The following LDLRAD4 variants were observed in gnomAD, a reference collection of about 807,000 sequenced individuals.
The protein encoded by LDLRAD4 is low density lipoprotein receptor class A domain containing 4.
Under a neutral mutation model 17.0 loss-of-function variants are expected in LDLRAD4, and 5 were observed. That is an observed-to-expected ratio of 0.29 (90% CI 0.15 to 0.62). LDLRAD4 has a LOEUF of 0.62. Ranked by LOEUF, LDLRAD4 falls within the 20% of genes least tolerant of loss-of-function variation. The probability of loss-of-function intolerance (pLI) is 0.84; values close to 1 mark genes in which losing one functional copy is unlikely to be tolerated. For missense variants in LDLRAD4, 340 were observed against 424.7 expected, an observed-to-expected ratio of 0.80 and a Z score of 1.75; for synonymous variants, 168 against 171.8, an observed-to-expected ratio of 0.98 and a Z score of 0.17.
In LDLRAD4 at chr18:13,622,544, C is replaced by A. The variant is rs1424492691; in HGVS notation, c.336+1273C>A. ...AGTTCAGTCCACAAGCCCCTCTGGC[C>A]CTGTTGTGTTACTTTCCTCGAGCCT... On this transcript the variant is annotated intron_variant, in intron 4 of 5. Transcript: ENST00000359446. The surrounding 1 kb of genome is among the most constrained non-coding windows in gnomAD (Gnocchi z 5.3). Among the ~76,000 whole-genome samples the A allele has an allele frequency of 1.3e-5, 2 of 152,264 alleles. No individual in the cohort carries two copies. The highest frequency in any genetic ancestry group is 3.4e-3 in the Middle Eastern group (1 of 294).
At chr18:13,309,321 G>A (rs911598857) in intron 1 of LDLRAD4, among the ~76,000 whole-genome samples, 1 of 152,198 alleles carries the variant, frequency 6.6e-6, no homozygotes, top group Non-Finnish European at 1.5e-5. Context: ...CCATCAAGTG[G>A]CCTTGGGAAT....
intron 3 of LDLRAD4, among the ~76,000 whole-genome samples, chr18:13,604,160 A>G (rs1237436320): frequency 6.6e-6 from 1 of 152,258 alleles, no homozygotes; most frequent in Non-Finnish European, 1.5e-5. Context: ...ATGCTCCAGT[A>G]TAAAACTAAA....
chr18:13,226,180 C>CTTTTTTTTTTTTTGTTTTTTTTTTTTTTT (rs2041785385), intron 1 of LDLRAD4, among the ~76,000 whole-genome samples: 1 of 52,188 alleles, frequency 1.9e-5, no homozygotes. Context: ...CCATGCCTTG[C>CTTTTTTTTTTTTTGTTTTTTTTTTTTTTT]TTTTTTTTTT....
At chr18:13,492,224 C>T (rs901047695) in intron 3 of LDLRAD4, among the ~76,000 whole-genome samples, 1 of 152,202 alleles carries the variant, frequency 6.6e-6, no homozygotes, top group East Asian at 1.9e-4. Flanking sequence ...AGGAAGGATG[C>T]GAGTGGCCTG....
intron 3 of LDLRAD4, among the ~76,000 whole-genome samples, chr18:13,485,391 G>A (rs928047142): frequency 7.2e-5 from 11 of 152,236 alleles, no homozygotes; most frequent in African/African-American, 2.2e-4. Flanking sequence ...ACTTGGCCAC[G>A]TGCCCTCGTG....
At chr18:13,460,457 G>T (rs926774638) in intron 3 of LDLRAD4, among the ~76,000 whole-genome samples, 1 of 152,250 alleles carries the variant, frequency 6.6e-6, no homozygotes, top group African/African-American at 2.4e-5. Context: ...CTCCCAAAGT[G>T]CTGGGATTAC....
At chr18:13,478,308 T>C (rs1166191542) in intron 3 of LDLRAD4, among the ~76,000 whole-genome samples, 1 of 152,196 alleles carries the variant, frequency 6.6e-6, no homozygotes, top group Non-Finnish European at 1.5e-5. Context: ...CATCCAAGTG[T>C]TGGTGTGCTG....
chr18:13,527,741 C>A (rs1339759863), intron 3 of LDLRAD4, among the ~76,000 whole-genome samples: 4 of 152,074 alleles, frequency 2.6e-5, no homozygotes, highest in Non-Finnish European at 5.9e-5. Flanking sequence ...CCCAAGCAGT[C>A]CTACATGGTC....
At chr18:13,434,519 T>C (rs765213532) in intron 2 of LDLRAD4, among the ~76,000 whole-genome samples, 1 of 152,222 alleles carries the variant, frequency 6.6e-6, no homozygotes, top group South Asian at 2.1e-4. Flanking sequence ...AACTTCTAGC[T>C]TGGCAGAAAT....
In LDLRAD4 at chr18:13,523,810, AC is replaced by A. The variant is rs1486267569; in HGVS notation, c.181+85428del. On this transcript the variant is annotated intron_variant, in intron 3 of 5. Coordinates refer to ENST00000359446, the Ensembl canonical transcript of LDLRAD4. ...CAGTGGGCTCTCCCTGGTGACACGAACCTTTTGCTGTGGCTGACTCTAAGGT... is the reference window on the plus strand; with the variant it reads ...CAGTGGGCTCTCCCTGGTGACACGAACTTTTGCTGTGGCTGACTCTAAGGT... Among the ~76,000 whole-genome samples the A allele has an allele frequency of 2.0e-5, 3 of 152,024 alleles. No homozygotes were observed. In the East Asian group the frequency reaches 5.8e-4, roughly 29 times the overall value.
chr18:13,622,974 C>T lies in LDLRAD4; in HGVS notation c.336+1703C>T, dbSNP rs1489064871. ...CTCCCCAGTCTTCCTCCCAGACTTGCCCTGGTGTTGGCTTCTCTCTCCCTA... is the reference window on the plus strand; with the variant it reads ...CTCCCCAGTCTTCCTCCCAGACTTGTCCTGGTGTTGGCTTCTCTCTCCCTA... On this transcript the variant is annotated intron_variant, in intron 4 of 5. Coordinates refer to ENST00000359446, the Ensembl canonical transcript of LDLRAD4. This position sits in a 1 kb window ranked among gnomAD's most constrained non-coding sequence, Gnocchi z 5.3. 6.6e-6 allele frequency among the ~76,000 whole-genome samples: 1 copy of T among 152,164 alleles called. No homozygotes were observed. Among genetic ancestry groups the T allele is most frequent in the African/African-American group, 2.4e-5 (1 of 41,432 alleles).
At chr18:13,258,419 A>G (rs1254976851) in intron 1 of LDLRAD4, among the ~76,000 whole-genome samples, 4 of 151,982 alleles carry the variant, frequency 2.6e-5, no homozygotes, top group Non-Finnish European at 4.4e-5. Flanking sequence ...AATGGCCACT[A>G]GGGACGATGG....
At chr18:13,338,177 ACTT>A (rs2082200504) in intron 1 of LDLRAD4, among the ~76,000 whole-genome samples, 2 of 152,120 alleles carry the variant, frequency 1.3e-5, no homozygotes, top group African/African-American at 4.8e-5. Flanking sequence ...CTTGCTCACA[ACTT>A]CTCTGAATGC....
At chr18:13,282,690 G>C (rs1204855776) in intron 1 of LDLRAD4, among the ~76,000 whole-genome samples, 1 of 152,196 alleles carries the variant, frequency 6.6e-6, no homozygotes, top group African/African-American at 2.4e-5. Context: ...TTGAGTGTCT[G>C]TGTCTTTTCC....
intron 1 of LDLRAD4, among the ~76,000 whole-genome samples, chr18:13,222,259 G>A (rs1330968555): frequency 3.3e-5 from 5 of 151,810 alleles, no homozygotes; most frequent in Non-Finnish European, 5.9e-5. Flanking sequence ...TAAGGATCCT[G>A]CTGAGGGATC....
At chr18:13,606,766 T>A (rs1165521198) in intron 3 of LDLRAD4, among the ~76,000 whole-genome samples, 2 of 152,236 alleles carry the variant, frequency 1.3e-5, no homozygotes, top group African/African-American at 4.8e-5. Context: ...AAGGCCAAAT[T>A]CCAGGGATTA....
At chr18:13,434,996 C>T (rs931793389) in intron 2 of LDLRAD4, among the ~76,000 whole-genome samples, 1 of 152,228 alleles carries the variant, frequency 6.6e-6, no homozygotes, top group African/African-American at 2.4e-5. Context: ...ACTCTGACCC[C>T]AGCAGTGCTG....
chr18:13,365,529 A>T (rs762390821), intron 1 of LDLRAD4, among the ~76,000 whole-genome samples: 8 of 152,264 alleles, frequency 5.3e-5, no homozygotes, highest in Non-Finnish European at 8.8e-5. Context: ...CTTAGAAGAC[A>T]GCCTGTGCAT....
intron 1 of LDLRAD4, among the ~76,000 whole-genome samples, chr18:13,262,648 T>G (rs78206025): frequency 3.5e-3 from 58 of 16,706 alleles, no homozygotes; most frequent in South Asian, 5.6e-3. Flanking sequence ...CTCCGTGCGT[T>G]GGGGCTGAGT....
Sources: gnomAD v4.1 joint callset for allele counts (sites outside exome capture counted in the v4.1 genomes callset) on GRCh38, gnomAD v4.1.1 for gene constraint, Gnocchi (gnomAD v3.1) non-coding constraint, MANE v1.5 for transcripts, NCBI Gene and HGNC (gene_info 2026-07-23, HGNC 2026-07-21) for gene names.